Variants in ITGB6 observed in about 807,000 individuals in gnomAD.
The protein encoded by ITGB6 is integrin subunit beta 6.
In ITGB6, 80 loss-of-function variants were observed where a neutral mutation model predicts 84.5. The observed-to-expected ratio is 0.95, with a 90% CI of 0.79 to 1.14. The LOEUF (loss-of-function observed/expected upper bound fraction) is 1.14, where lower values mean the gene tolerates loss of function less well. Ranked by LOEUF, ITGB6 falls within the 50% of genes most tolerant of loss-of-function variation. The pLI, the probability that ITGB6 is intolerant of heterozygous loss-of-function variation, is 0.00. For missense variants in ITGB6, 1,006 were observed against 968.0 expected, an observed-to-expected ratio of 1.04 and a Z score of -0.52; for synonymous variants, 383 against 354.9, an observed-to-expected ratio of 1.08 and a Z score of -0.89.
chr2:160,112,005 G>A (rs1682538581), intron 13 of ITGB6, 75 bp downstream of exon 13: 6 of 1,458,804 alleles, frequency 4.1e-6, no homozygotes, highest in Non-Finnish European at 5.6e-6. Flanking sequence ...ATGCTACCCA[G>A]AGCGATTTTC....
chr2:160,150,064 A>G (rs1157784173), intron 7 of ITGB6, among the ~76,000 whole-genome samples: 1 of 152,184 alleles, frequency 6.6e-6, no homozygotes, highest in African/African-American at 2.4e-5. Context: ...CTTCCCCAAC[A>G]TAGCAAGGTA....
chr2:160,163,612 A>G (rs1341149205), intron 7 of ITGB6, among the ~76,000 whole-genome samples: 1 of 147,258 alleles, frequency 6.8e-6, no homozygotes, highest in Non-Finnish European at 1.5e-5. Context: ...AGCCTGGGCA[A>G]CAGAGGGAGA....
chr2:160,110,031 A>C (rs912140128), intron 13 of ITGB6, among the ~76,000 whole-genome samples: 1 of 152,222 alleles, frequency 6.6e-6, no homozygotes, highest in East Asian at 1.9e-4. Context: ...ATTACTAGAA[A>C]ATTTTAAATT....
chr2:160,144,230 G>T lies in ITGB6; in HGVS notation c.1018-2159C>A, dbSNP rs890790161. Among the ~76,000 whole-genome samples the T allele has an allele frequency of 5.3e-5, 8 of 152,216 alleles. No individual in the cohort carries two copies. In the East Asian group the frequency reaches 1.5e-3, roughly 29 times the overall value. On this transcript the variant is annotated intron_variant, in intron 7 of 14. Coordinates refer to ENST00000283249, the MANE Select transcript of ITGB6 (RefSeq NM_000888.5). Reference sequence around the variant, plus strand: ...ATCTGAACTCTTAACAGTGTGAGATGCTGCTCTGCCTTGACACTGTTTTAT... The same window carrying T: ...ATCTGAACTCTTAACAGTGTGAGATTCTGCTCTGCCTTGACACTGTTTTAT...
intron 7 of ITGB6, among the ~76,000 whole-genome samples, chr2:160,160,832 A>AG (rs962641968): frequency 2.0e-5 from 3 of 152,182 alleles, no homozygotes; most frequent in Admixed American, 6.5e-5. Flanking sequence ...CTGCAACCAT[A>AG]GGAAAGGCTT....
intron 4 of ITGB6, among the ~76,000 whole-genome samples, chr2:160,190,998 T>C (rs1459543149): frequency 6.6e-6 from 1 of 152,162 alleles, no homozygotes; most frequent in Admixed American, 6.6e-5. Context: ...TGGAAGCTTA[T>C]TGTAGGGGAA....
At chr2:160,129,039 A>G (rs1683350708) in intron 10 of ITGB6, among the ~76,000 whole-genome samples, 2 of 152,110 alleles carry the variant, frequency 1.3e-5, no homozygotes, top group Non-Finnish European at 2.9e-5. Context: ...GAGCTTCAGG[A>G]CTTAAAATGT....
chr2:160,151,275 C>T (rs36173169), intron 7 of ITGB6, among the ~76,000 whole-genome samples: 1 of 152,180 alleles, frequency 6.6e-6, no homozygotes, highest in African/African-American at 2.4e-5. Context: ...AAAATTAGAA[C>T]TCAGGATTAA....
chr2:160,195,046 G>T (rs1686277755), intron 4 of ITGB6, among the ~76,000 whole-genome samples: 1 of 152,194 alleles, frequency 6.6e-6, no homozygotes. Flanking sequence ...TGTCTGAGAG[G>T]CTGGGGCTGG....
intron 4 of ITGB6, among the ~76,000 whole-genome samples, chr2:160,182,838 C>A (rs1012777363): frequency 6.6e-6 from 1 of 152,178 alleles, no homozygotes; most frequent in African/African-American, 2.4e-5. Context: ...GGCCAATATT[C>A]AACATTCTTA....
intron 12 of ITGB6, among the ~76,000 whole-genome samples, chr2:160,114,028 T>A (rs1682652085): frequency 6.6e-6 from 1 of 152,200 alleles, no homozygotes; most frequent in Admixed American, 6.5e-5. Flanking sequence ...AATATGTGAG[T>A]GGCTTATCAT....
At chr2:160,189,297 G>A (rs1348837984) in intron 4 of ITGB6, among the ~76,000 whole-genome samples, 1 of 152,178 alleles carries the variant, frequency 6.6e-6, no homozygotes, top group South Asian at 2.1e-4. Flanking sequence ...GCATGGGCAA[G>A]GACTTCATGA....
chr2:160,196,997 A>T (rs183192772), intron 2 of ITGB6, among the ~76,000 whole-genome samples: 1 of 152,270 alleles, frequency 6.6e-6, no homozygotes, highest in African/African-American at 2.4e-5. Context: ...AGTTGTATGC[A>T]TCGGTCTGTT....
At chr2:160,136,817 C>T (rs943494912) in intron 10 of ITGB6, among the ~76,000 whole-genome samples, 5 of 151,522 alleles carry the variant, frequency 3.3e-5, no homozygotes, top group African/African-American at 1.2e-4. Context: ...AACCAAACAC[C>T]ACATGTTCTC....
At chr2:160,176,543 G>C (rs1559201946) in intron 4 of ITGB6, among the ~76,000 whole-genome samples, 1 of 152,130 alleles carries the variant, frequency 6.6e-6, no homozygotes, top group Non-Finnish European at 1.5e-5. Flanking sequence ...AAACTCTAAA[G>C]TGCTGACCAC....
At chr2:160,181,240 T>G (rs1685655948) in intron 4 of ITGB6, among the ~76,000 whole-genome samples, 1 of 152,282 alleles carries the variant, frequency 6.6e-6, no homozygotes, top group Non-Finnish European at 1.5e-5. Context: ...ATCCACTGGC[T>G]TGAAATTCTC....
At chr2:160,136,700 G>A (rs369881636) in intron 10 of ITGB6, among the ~76,000 whole-genome samples, 4,230 of 152,184 alleles carry the variant, frequency 0.028, 81 homozygotes, top group South Asian at 0.078. Flanking sequence ...GCACATATAC[G>A]CCATGGAATA....
intron 10 of ITGB6, among the ~76,000 whole-genome samples, chr2:160,136,405 G>A (rs1374632255): frequency 2.0e-5 from 3 of 151,966 alleles, no homozygotes; most frequent in Admixed American, 6.6e-5. Context: ...GAAACAACAG[G>A]TGCTGGAGAG....
Position 160,101,604 on chromosome 2 carries a change from G to T in ITGB6, c.*132C>A. ...AACAGTCTGTCACCTTCATGTAGAG[G>T]ATGACTTATCTGCAGATGTCCTATT... On this transcript the variant is annotated 3_prime_UTR_variant, in exon 15 of 15. Coordinates refer to ENST00000283249, the MANE Select transcript of ITGB6 (RefSeq NM_000888.5). The T allele has an allele frequency of 1.5e-6, 1 of 664,194 alleles. No homozygotes were observed. Among genetic ancestry groups the T allele is most frequent in the South Asian group, 1.7e-5 (1 of 58,788 alleles). 41.1% of individuals were successfully genotyped at this position (664,194 alleles called of 1,614,324 possible). A position where few individuals can be genotyped will look rare whatever the true frequency, so the allele number is the denominator to read the frequency against.
Sources: allele counts gnomAD v4.1 joint callset (sites outside exome capture counted in the v4.1 genomes callset), GRCh38; gene constraint gnomAD v4.1.1; transcripts MANE v1.5; gene names NCBI Gene and HGNC (gene_info 2026-07-23, HGNC 2026-07-21).